Variants in ANO4 observed in about 807,000 individuals in gnomAD.
The protein encoded by ANO4 is anoctamin-4.
In ANO4, 69 loss-of-function variants were observed where a neutral mutation model predicts 141.9. The ratio of observed to expected loss-of-function variants is 0.49; its 90% confidence interval spans 0.40 to 0.59. ANO4 has a LOEUF of 0.59. Ranked by LOEUF, ANO4 falls within the 20% of genes least tolerant of loss-of-function variation. ANO4 has a pLI of 0.00. For missense variants in ANO4, 894 were observed against 1,162.2 expected (o/e 0.77, Z 3.36); for synonymous variants, 350 against 394.3 (o/e 0.89, Z 1.33).
chr12:101,083,526 C>G, intron 15 of ANO4, 152 bp from the exon 16 acceptor site: 2 of 853,490 alleles, frequency 2.3e-6, no homozygotes, highest in Non-Finnish European at 3.5e-6. Context: ...AATTTTCAAA[C>G]ATTTAAGCCT....
chr12:101,080,900 T>TATATACAC (rs1194122665), intron 15 of ANO4, among the ~76,000 whole-genome samples: 9,591 of 130,282 alleles, frequency 0.074, 600 homozygotes, highest in Admixed American at 0.11. Flanking sequence ...TATATATATA[T>TATATACAC]ACATACACAT....
intron 1 of ANO4, among the ~76,000 whole-genome samples, chr12:100,900,877 G>C (rs1480942756): frequency 6.6e-6 from 1 of 152,126 alleles, no homozygotes. Context: ...TCTGAGTAAC[G>C]AATTGGTATC....
At chr12:100,844,005 T>G (rs913526437) in intron 1 of ANO4, among the ~76,000 whole-genome samples, 2 of 152,166 alleles carry the variant, frequency 1.3e-5, no homozygotes, top group Admixed American at 6.5e-5. Context: ...ATTCATTCAT[T>G]CATTCATTCA....
chr12:101,116,683 A>G lies in ANO4; in HGVS notation c.2455A>G (p.Met819Val), dbSNP rs768321879. 1.9e-6 allele frequency: 3 copies of G among 1,614,132 alleles called. No homozygotes were observed. Among genetic ancestry groups the G allele is most frequent in the East Asian group, 2.2e-5 (1 of 44,882 alleles). ...AGAATGTGCCTCCTCTTATAGGTGC[A>G]TGGTTGGCTATGTGAATGCCAGCTT... ...AGQGEAGQKCMVGYVNASLSV... is the reference protein window; with the variant it reads ...AGQGEAGQKCVVGYVNASLSV... Residue 819 changes from methionine (M) to valine (V), a missense_variant, in exon 25 of 28, where the codon ATG (methionine) becomes GTG (valine). Transcript: ENST00000392977.
At chr12:100,876,913 GC>G (rs1414273151) in intron 1 of ANO4, among the ~76,000 whole-genome samples, 4 of 152,100 alleles carry the variant, frequency 2.6e-5, no homozygotes, top group Admixed American at 2.6e-4. Context: ...TTCTTTTTGC[GC>G]AAGATTGCCT....
chr12:100,757,055 T>C (rs905200337), intron 3 of ANO4, among the ~76,000 whole-genome samples: 3 of 152,154 alleles, frequency 2.0e-5, no homozygotes, highest in Non-Finnish European at 4.4e-5. Flanking sequence ...TTCTGGAAAA[T>C]GTGGAACTGT....
At chr12:101,103,171 T>A in intron 22 of ANO4, among the ~76,000 whole-genome samples, 1 of 134,890 alleles carries the variant, frequency 7.4e-6, no homozygotes, top group Non-Finnish European at 1.6e-5. Context: ...TACATTTTCC[T>A]TTTTAGTCAT....
At chr12:101,052,138 C>G (rs745448227) in intron 14 of ANO4, among the ~76,000 whole-genome samples, 12 of 152,144 alleles carry the variant, frequency 7.9e-5, no homozygotes, top group Non-Finnish European at 1.5e-4. Context: ...AATAATAAGG[C>G]TCCATCTGTA....
intron 9 of ANO4, among the ~76,000 whole-genome samples, chr12:101,036,365 G>T (rs1260125080): frequency 1.3e-5 from 2 of 152,166 alleles, no homozygotes; most frequent in Admixed American, 1.3e-4. Flanking sequence ...CCAAGGAATT[G>T]AAATCAGTAT....
intron 1 of ANO4, among the ~76,000 whole-genome samples, chr12:100,857,057 A>G (rs956459943): frequency 1.3e-5 from 2 of 152,124 alleles, no homozygotes; most frequent in African/African-American, 4.8e-5. Context: ...AGCAGAAGCC[A>G]TGCAGTGTGG....
intron 1 of ANO4, among the ~76,000 whole-genome samples, chr12:100,869,548 G>A (rs1183136206): frequency 6.6e-6 from 1 of 152,326 alleles, no homozygotes; most frequent in South Asian, 2.1e-4. Flanking sequence ...ACATTCCCTT[G>A]ATATGAGACC....
Position 101,097,960 on chromosome 12 carries a change from A to G in ANO4, c.2006+15A>G. On this transcript the variant is annotated intron_variant, in intron 21 of 27. Transcript: ENST00000392977. ...CTTGGCTACCCGTAAGTACCTTAGT[A>G]TCAATAATTGAGAGGCAGCATTGCT... The G allele has an allele frequency of 6.2e-7, 1 of 1,605,666 alleles. No individual in the cohort carries two copies. The highest frequency in any genetic ancestry group is 1.1e-5 in the South Asian group (1 of 90,724).
chr12:100,883,763 A>T (rs963676326), intron 1 of ANO4, among the ~76,000 whole-genome samples: 2 of 152,244 alleles, frequency 1.3e-5, no homozygotes, highest in Non-Finnish European at 2.9e-5. Flanking sequence ...AGTAGGAAGC[A>T]ATGTTGACAA....
intron 14 of ANO4, among the ~76,000 whole-genome samples, 163 bp from the exon 15 acceptor site, chr12:101,079,030 A>G (rs2049137038): frequency 6.6e-6 from 1 of 152,218 alleles, no homozygotes. Flanking sequence ...ATTCTCAGAA[A>G]ATAGTCCTTG....
At chr12:100,760,757 G>C (rs2032822590) in intron 3 of ANO4, among the ~76,000 whole-genome samples, 1 of 152,182 alleles carries the variant, frequency 6.6e-6, no homozygotes, top group African/African-American at 2.4e-5. Context: ...CTTGGAGGAA[G>C]ATTTCTATAC....
chr12:100,813,663 A>G (rs1302050113), intron 1 of ANO4, among the ~76,000 whole-genome samples: 1 of 152,182 alleles, frequency 6.6e-6, no homozygotes, highest in East Asian at 1.9e-4. Context: ...AGTGGGCTGG[A>G]TATGAGTTAA....
intron 3 of ANO4, among the ~76,000 whole-genome samples, chr12:100,789,628 C>T (rs535580987): frequency 4.6e-5 from 7 of 152,280 alleles, no homozygotes; most frequent in South Asian, 4.1e-4. Context: ...GGTGACACAG[C>T]GCACTGAGCT....
intron 1 of ANO4, among the ~76,000 whole-genome samples, chr12:100,801,992 G>GT (rs1565886850): frequency 6.6e-6 from 1 of 152,086 alleles, no homozygotes; most frequent in African/African-American, 2.4e-5. Context: ...TGCATAACAC[G>GT]TTTTTTTCTC....
chr12:100,995,752 G>A (rs1184260671), intron 8 of ANO4, among the ~76,000 whole-genome samples: 1 of 152,158 alleles, frequency 6.6e-6, no homozygotes, highest in African/African-American at 2.4e-5. Context: ...AAATCACATG[G>A]CTTTAGACTC....
Sources: gnomAD v4.1 joint callset for allele counts (sites outside exome capture counted in the v4.1 genomes callset) on GRCh38, gnomAD v4.1.1 for gene constraint, MANE v1.5 for transcripts, NCBI Gene and HGNC (gene_info 2026-07-23, HGNC 2026-07-21) for gene names.